The following ANKRD30BL variants were observed in gnomAD, a reference collection of about 807,000 sequenced individuals.
ANKRD30BL encodes ankyrin repeat domain 30B like, also known as putative ankyrin repeat domain-containing protein 30B-like.
In ANKRD30BL, 20 loss-of-function variants were observed where a neutral mutation model predicts 18.4. The observed-to-expected ratio is 1.09, with a 90% CI of 0.77 to 1.58. ANKRD30BL has a LOEUF of 1.58. ANKRD30BL is among the 40% of genes most tolerant of loss of function. The pLI is 0.00. For missense variants in ANKRD30BL, 224 were observed against 268.6 expected, an observed-to-expected ratio of 0.83 and a Z score of 1.16; for synonymous variants, 72 against 100.9, an observed-to-expected ratio of 0.71 and a Z score of 1.72.
intron 1 of ANKRD30BL, among the ~76,000 whole-genome samples, chr2:132,225,755 G>A (rs550128664): frequency 6.6e-6 from 1 of 151,916 alleles, no homozygotes; most frequent in African/African-American, 2.4e-5. Flanking sequence ...GATAGAGCAG[G>A]TTTCAAACAC....
chr2:132,248,301 A>T lies in ANKRD30BL; in HGVS notation n.441+9228T>A, dbSNP rs368748066. Among the ~76,000 whole-genome samples, 178 of 151,528 alleles carry T rather than the reference A, an allele frequency of 1.2e-3. 2 individuals carry two copies. Among genetic ancestry groups the T allele is most frequent in the African/African-American group, 4.0e-3 (167 of 41,386 alleles). The stretch of plus-strand genomic sequence containing the variant: ...CCTTTTTCACCATAGGCCTCAAAGC[A>T]CTCCAAACATCCATTTGCAGATTCT... On this transcript the variant is annotated intron_variant and non_coding_transcript_variant, in intron 1 of 4. Coordinates refer to the ANKRD30BL transcript ENST00000470729.
chr2:132,148,051 T>C lies in ANKRD30BL; in HGVS notation c.*80A>G. On this transcript the variant is annotated 3_prime_UTR_variant, in exon 6 of 6. Coordinates refer to ENST00000409867, the MANE Select transcript of ANKRD30BL (RefSeq NM_001358416.1). The stretch of plus-strand genomic sequence containing the variant: ...TGTTCTTTGATGAGGAACTCAGAAC[T>C]CATTGTACTTAATCTTCCCCCTCTT... 2 of 1,041,818 alleles carry C rather than the reference T, an allele frequency of 1.9e-6. 1 individual carries two copies. The highest frequency in any genetic ancestry group is 2.7e-5 in the South Asian group (2 of 73,518). 64.5% of individuals were successfully genotyped at this position (1,041,818 alleles called of 1,614,324 possible).
chr2:132,187,193 T>TTG (rs1360993186), intron 1 of ANKRD30BL, among the ~76,000 whole-genome samples: 5 of 140,688 alleles, frequency 3.6e-5, no homozygotes, highest in African/African-American at 1.4e-4. Context: ...TGTTTGTTTT[T>TTG]TTTTTTTTTT....
intron 1 of ANKRD30BL, among the ~76,000 whole-genome samples, chr2:132,211,785 T>C (rs1167559727): frequency 5.9e-5 from 9 of 151,956 alleles, no homozygotes; most frequent in African/African-American, 2.2e-4. Flanking sequence ...CTTTGTGATG[T>C]GTGCATTCAT....
In ANKRD30BL at chr2:132,148,186, G is replaced by T. The variant is rs748041891; in HGVS notation, c.722C>A (p.Ala241Glu). The T allele has an allele frequency of 3.7e-6, 6 of 1,604,620 alleles. No individual in the cohort carries two copies. The highest frequency in any genetic ancestry group is 5.1e-6 in the Non-Finnish European group (6 of 1,176,336). Residue 241 changes from alanine to glutamate, a missense_variant, in exon 6 of 6, where the codon GCG becomes GAG. By Grantham distance (107) the Ala-to-Glu change is moderately radical. This residue lies in a region of ANKRD30BL where 63 missense variants were observed against 62.3 expected (regional missense o/e 1.01). Coordinates refer to ENST00000409867, the MANE Select transcript of ANKRD30BL (RefSeq NM_001358416.1). The stretch of plus-strand genomic sequence containing the variant: ...TTCAGCCGTGTCAGGTGTTCTTTCC[G>T]CCAAGGGTGCAGCCTCATCAGGTGT... Reference protein sequence around the residue: ...EGTPDEAAPLAERTPDTAESL... With the variant: ...EGTPDEAAPLEERTPDTAESL...
chr2:132,198,308 CTTTCTTTCTTTCTTTCTTT>C (rs1365713368), intron 1 of ANKRD30BL, among the ~76,000 whole-genome samples: 228 of 12,616 alleles, frequency 0.018, 9 homozygotes, highest in Non-Finnish European at 0.037. Context: ...TTCTTTCTTT[CTTTCTTTCTTTCTTTCTTT>C]TTTTTTTTTT....
At chr2:132,240,474 T>G (rs1162695785) in intron 1 of ANKRD30BL, among the ~76,000 whole-genome samples, 14 of 151,798 alleles carry the variant, frequency 9.2e-5, no homozygotes, top group Middle Eastern at 3.2e-3. Context: ...AGGCCCATGG[T>G]GAAACAGGAA....
Position 132,160,702 on chromosome 2 carries a change from A to G in ANKRD30BL, c.218+786T>C, listed in dbSNP as rs1688033008. ...CTCGGCCTCCCAAAGTGCTGGGATT[A>G]CAGGCATGATCCACCGCGCCTGGCC... is the stretch of plus-strand genomic sequence containing the variant. On this transcript the variant is annotated intron_variant, in intron 1 of 5. Transcript: ENST00000409867. 1.3e-5 allele frequency among the ~76,000 whole-genome samples: 2 copies of G among 152,044 alleles called. 1 individual carries two copies. The highest frequency in any genetic ancestry group is 1.3e-4 in the Admixed American group (2 of 15,256).
chr2:132,222,048 G>A (rs1425427432), intron 1 of ANKRD30BL, among the ~76,000 whole-genome samples: 2 of 131,370 alleles, frequency 1.5e-5, no homozygotes, highest in Non-Finnish European at 3.3e-5. Flanking sequence ...GGAGGCGGGG[G>A]GGGGGGTCGG....
In ANKRD30BL at chr2:132,220,521, G is replaced by A. The variant is rs537943226; in HGVS notation, n.441+37008C>T. Among the ~76,000 whole-genome samples the A allele has an allele frequency of 4.4e-3, 666 of 152,094 alleles. 8 individuals are homozygous for A. The highest frequency in any genetic ancestry group is 6.6e-3 in the Non-Finnish European group (447 of 67,962). The stretch of plus-strand genomic sequence containing the variant: ...TGTGATTGCAGGCGCGCGTCGCCAC[G>A]CCTGACTGGTTTTCGTTTTTTTTTG... On this transcript the variant is annotated intron_variant and non_coding_transcript_variant, in intron 1 of 4. Transcript: ENST00000470729.
chr2:132,212,208 A>C (rs1679375196), intron 1 of ANKRD30BL, among the ~76,000 whole-genome samples: 1 of 151,372 alleles, frequency 6.6e-6, no homozygotes, highest in African/African-American at 2.4e-5. Flanking sequence ...CTGCAGGTGG[A>C]TATTTGAAGC....
At chr2:132,243,447 C>A (rs1273248937) in intron 1 of ANKRD30BL, among the ~76,000 whole-genome samples, 1 of 151,302 alleles carries the variant, frequency 6.6e-6, no homozygotes, top group African/African-American at 2.4e-5. Context: ...GATGTGTGTA[C>A]TCAAGTGACA....
At chr2:132,218,944 T>G (rs1408111927) in intron 1 of ANKRD30BL, among the ~76,000 whole-genome samples, 2 of 152,066 alleles carry the variant, frequency 1.3e-5, no homozygotes, top group Non-Finnish European at 2.9e-5. Flanking sequence ...TTGGACCGCT[T>G]TGAGGCCTTC....
chr2:132,193,228 G>A (rs549947989), intron 1 of ANKRD30BL, among the ~76,000 whole-genome samples: 1 of 152,314 alleles, frequency 6.6e-6, no homozygotes, highest in East Asian at 1.9e-4. Flanking sequence ...AGAGATGGAC[G>A]ATACATATGG....
At chr2:132,246,182 T>C (rs1429672923) in intron 1 of ANKRD30BL, among the ~76,000 whole-genome samples, 1 of 152,002 alleles carries the variant, frequency 6.6e-6, no homozygotes, top group Non-Finnish European at 1.5e-5. Flanking sequence ...ATGCTTTCAT[T>C]CAACTCACTG....
chr2:132,221,398 G>A (rs1401732607), intron 1 of ANKRD30BL, among the ~76,000 whole-genome samples: 11 of 130,952 alleles, frequency 8.4e-5, no homozygotes, highest in Middle Eastern at 5.8e-3. Flanking sequence ...CCGGCCAGCC[G>A]CCCCGTCCGG....
intron 1 of ANKRD30BL, among the ~76,000 whole-genome samples, chr2:132,170,714 A>T (rs1298780768): frequency 1.3e-5 from 2 of 152,208 alleles, no homozygotes; most frequent in African/African-American, 4.8e-5. Context: ...CACATTGGTA[A>T]GGGAGTGTTT....
chr2:132,203,711 C>A (rs1231012230), intron 1 of ANKRD30BL, among the ~76,000 whole-genome samples: 5 of 152,004 alleles, frequency 3.3e-5, no homozygotes, highest in African/African-American at 7.2e-5. Context: ...AGATATAATA[C>A]TTTTAGGTAG....
At chr2:132,233,973 T>C (rs1354327772) in intron 1 of ANKRD30BL, among the ~76,000 whole-genome samples, 1 of 151,942 alleles carries the variant, frequency 6.6e-6, no homozygotes, top group East Asian at 1.9e-4. Context: ...GAACAGAAAT[T>C]ATAACCAACT....
Sources: allele counts gnomAD v4.1 joint callset (sites outside exome capture counted in the v4.1 genomes callset), GRCh38; gene constraint gnomAD v4.1.1; regional missense constraint gnomAD v4.1.1; transcripts MANE v1.5; gene names NCBI Gene and HGNC (gene_info 2026-07-23, HGNC 2026-07-21).